The following CD99 variants were observed in gnomAD, a reference collection of about 807,000 sequenced individuals.
CD99 encodes CD99 antigen.
A neutral mutation model predicts 28.4 loss-of-function variants in CD99; 19 were observed. The ratio of observed to expected loss-of-function variants is 0.67; its 90% CI spans 0.47 to 0.98. CD99 has a LOEUF of 0.98. CD99 is among the 50% of genes least tolerant of loss of function. CD99 has a pLI of 0.00. For synonymous variants in CD99, 103 were observed against 92.1 expected (o/e 1.12, Z -0.67); for missense variants, 283 against 248.8 (o/e 1.14, Z -0.92).
At chrX:2,732,755 CCTT>C (rs918207286) in intron 8 of CD99, among the ~76,000 whole-genome samples, 5 of 145,624 alleles carry the variant, frequency 3.4e-5, no homozygotes, top group African/African-American at 7.5e-5. Flanking sequence ...ATCCCTCCCT[CCTT>C]CTTTCCTTTT....
At chrX:2,739,345 T>A (rs2050095713) in intron 9 of CD99, among the ~76,000 whole-genome samples, 1 of 152,238 alleles carries the variant, frequency 6.6e-6, no homozygotes, top group South Asian at 2.1e-4. Flanking sequence ...TTATTTTGTT[T>A]GTGCATACAT....
intron 8 of CD99, among the ~76,000 whole-genome samples, chrX:2,727,098 CTG>C (rs1185357707): frequency 3.9e-5 from 6 of 152,208 alleles, no homozygotes; most frequent in Non-Finnish European, 7.3e-5. Context: ...GATCATGTGA[CTG>C]CACTCCAGCC....
intron 5 of CD99, 142 bp from the exon 6 acceptor site, chrX:2,722,485 T>C: frequency 1.3e-6 from 1 of 755,420 alleles, no homozygotes; most frequent in South Asian, 1.5e-5. Flanking sequence ...CACATCCAGC[T>C]AATTTTTATA....
At chrX:2,735,582 T>A (rs2049890408) in intron 8 of CD99, among the ~76,000 whole-genome samples, 2 of 152,196 alleles carry the variant, frequency 1.3e-5, no homozygotes, top group South Asian at 4.1e-4. Flanking sequence ...AAAAAGAATA[T>A]CTTTTATGCT....
intron 9 of CD99, among the ~76,000 whole-genome samples, chrX:2,740,073 C>G (rs1166595201): frequency 1.3e-5 from 2 of 151,578 alleles, no homozygotes; most frequent in African/African-American, 4.9e-5. Flanking sequence ...GCCTGGGCAA[C>G]AAGAGCAAAA....
chrX:2,707,329 C>CAAAAG (rs58329163), intron 1 of CD99, among the ~76,000 whole-genome samples: 65,263 of 149,056 alleles, frequency 0.44, 15,119 homozygotes, highest in Non-Finnish European at 0.52. Context: ...AACTCTGCCT[C>CAAAAG]AAAAGAAAAG....
intron 1 of CD99, among the ~76,000 whole-genome samples, chrX:2,694,343 G>A (rs747744229): frequency 6.6e-6 from 1 of 151,778 alleles, no homozygotes; most frequent in Non-Finnish European, 1.5e-5. Context: ...GTGTGTGGAA[G>A]TTATTAGGAG....
At chrX:2,737,950 G>T in intron 8 of CD99, 1 of 691,048 alleles carries the variant, frequency 1.4e-6, no homozygotes, top group East Asian at 2.8e-5. Context: ...AGAGGAAAAT[G>T]AAGCTGCTTG....
chrX:2,716,174 A>C (rs1485980670), intron 2 of CD99, among the ~76,000 whole-genome samples: 1 of 151,736 alleles, frequency 6.6e-6, no homozygotes, highest in Non-Finnish European at 1.5e-5. Flanking sequence ...ATGCACCACC[A>C]TGCCTAGCTA....
At chrX:2,719,475 T>C (rs2048895224) in intron 3 of CD99, 186 bp from the exon 4 acceptor site, 2 of 657,528 alleles carry the variant, frequency 3.0e-6, no homozygotes, top group Non-Finnish European at 5.5e-6. Context: ...CCTCTTTTTA[T>C]CTGAGAGAAT....
At chrX:2,718,707 T>G (rs1250757515) in intron 3 of CD99, among the ~76,000 whole-genome samples, 2 of 151,992 alleles carry the variant, frequency 1.3e-5, no homozygotes, top group Non-Finnish European at 2.9e-5. Context: ...AGAAACGAGG[T>G]CCACGTGATG....
intron 8 of CD99, among the ~76,000 whole-genome samples, chrX:2,736,410 G>C (rs2049943208): frequency 6.6e-6 from 1 of 151,870 alleles, no homozygotes; most frequent in South Asian, 2.1e-4. Flanking sequence ...ACCAACACTG[G>C]AAATAAATAA....
At chrX:2,694,734 C>G (rs1021753814) in intron 1 of CD99, among the ~76,000 whole-genome samples, 19 of 151,612 alleles carry the variant, frequency 1.3e-4, no homozygotes, top group African/African-American at 4.6e-4. Context: ...GCCTGGGTAA[C>G]AGAGAGAGAC....
intron 8 of CD99, among the ~76,000 whole-genome samples, chrX:2,727,667 G>A (rs2049364597): frequency 6.6e-6 from 1 of 152,062 alleles, no homozygotes; most frequent in Admixed American, 6.6e-5. Flanking sequence ...AGTAGAGATG[G>A]GGTCTCACCA....
At chrX:2,722,467 C>T (rs917770673) in intron 5 of CD99, 160 bp from the exon 6 acceptor site, 3 of 162,484 alleles carry the variant, frequency 1.8e-5, no homozygotes, top group Non-Finnish European at 2.6e-5. Context: ...ATTACATGTG[C>T]CTGTCACCAC....
intron 1 of CD99, among the ~76,000 whole-genome samples, chrX:2,703,613 T>A (rs1335713817): frequency 3.0e-5 from 4 of 131,548 alleles, no homozygotes; most frequent in South Asian, 2.2e-4. Flanking sequence ...TAAGTGTGTG[T>A]GTGTGTGTGT....
intron 1 of CD99, among the ~76,000 whole-genome samples, chrX:2,703,731 G>A (rs1276402568): frequency 6.6e-6 from 1 of 151,644 alleles, no homozygotes; most frequent in Non-Finnish European, 1.5e-5. Flanking sequence ...GTTATTTCAA[G>A]CTAGTCCAAA....
chrX:2,715,667 G>T, intron 2 of CD99: 1 of 151,496 alleles, frequency 6.6e-6, no homozygotes, highest in East Asian at 2.0e-4. Context: ...TATCTTTTGC[G>T]GGGACCACTG....
chrX:2,736,133 C>T (rs776100746), intron 8 of CD99, among the ~76,000 whole-genome samples: 2 of 148,882 alleles, frequency 1.3e-5, no homozygotes, highest in East Asian at 2.0e-4. Context: ...ACCCTGGAGG[C>T]GGAGGTTGCA....
Sources: allele counts gnomAD v4.1 joint callset (sites outside exome capture counted in the v4.1 genomes callset), GRCh38; gene constraint gnomAD v4.1.1; transcripts MANE v1.5; gene names NCBI Gene and HGNC (gene_info 2026-07-23, HGNC 2026-07-21).